RTN3: variants seen among roughly 807,000 people sequenced by gnomAD.
The protein encoded by RTN3 is reticulon-3.
RTN3 carries 49 observed loss-of-function variants against 77.8 expected under a neutral mutation model. The ratio of observed to expected loss-of-function variants is 0.63; its 90% CI spans 0.50 to 0.80. RTN3 has a LOEUF of 0.80. Ranked by LOEUF, RTN3 falls within the 30% of genes least tolerant of loss-of-function variation. RTN3 has a pLI of 0.00. For synonymous variants in RTN3, 464 were observed against 446.9 expected (o/e 1.04, Z -0.48); for missense variants, 1,236 against 1,211.9 (o/e 1.02, Z -0.29).
In RTN3 at chr11:63,759,459, G is replaced by T. The variant is rs1333605750; in HGVS notation, c.*1258G>T. 3 of 152,500 alleles carry T rather than the reference G, an allele frequency of 2.0e-5. No individual in the cohort carries two copies. Among genetic ancestry groups the T allele is most frequent in the Non-Finnish European group, 2.9e-5 (2 of 68,024 alleles). The allele number at this position is 152,500 out of a possible 1,614,324, so 9.4% of individuals were successfully genotyped here. A position where few individuals can be genotyped will look rare whatever the true frequency, so the allele number is the denominator to read the frequency against. ...TTGTCTACGTGTCTTGGAAAAATTA[G>T]TTAGGAATTTGGATGGGTAAAAGGT... On this transcript the variant is annotated 3_prime_UTR_variant, in exon 9 of 9. Transcript: ENST00000377819.
chr11:63,704,899 C>T lies in RTN3; in HGVS notation c.191C>T (p.Thr64Ile), dbSNP rs374939027. ...SSSQPVSLFS[T>I]SQEGLSSLCS... is the part of the protein sequence containing the mutation. The stretch of plus-strand genomic sequence containing the variant: ...TCTCAGCCTGTATCTCTATTTTCGA[C>T]CTCACAAGGCAAGTCTGTAATTTTT... The change falls in exon 2 of 9, where the codon ACC becomes ATC. Residue 64 changes from threonine to isoleucine, a missense_variant. Coordinates refer to ENST00000377819, the MANE Select transcript of RTN3 (RefSeq NM_001265589.2). 3.0e-5 allele frequency: 49 copies of T among 1,610,534 alleles called. No homozygotes were observed. The Middle Eastern group carries it at 8.2e-4, about 27-fold the overall frequency.
chr11:63,710,073 G>T (rs752722672), intron 2 of RTN3, among the ~76,000 whole-genome samples: 4 of 152,064 alleles, frequency 2.6e-5, no homozygotes, highest in Non-Finnish European at 5.9e-5. Flanking sequence ...TAAGTTATAC[G>T]TACTTGAATA....
chr11:63,690,662 T>C (rs1022735662), intron 1 of RTN3, among the ~76,000 whole-genome samples: 2 of 152,184 alleles, frequency 1.3e-5, no homozygotes, highest in Non-Finnish European at 2.9e-5. Flanking sequence ...AATTTCTGGC[T>C]CCACGGTTCT....
intron 1 of RTN3, among the ~76,000 whole-genome samples, chr11:63,691,009 TAGC>T (rs1036050858): frequency 2.0e-5 from 3 of 152,104 alleles, no homozygotes; most frequent in African/African-American, 7.2e-5. Flanking sequence ...CCATATCTGT[TAGC>T]AGTAATTCAC....
chr11:63,733,939 C>G (rs1257020904), intron 3 of RTN3, among the ~76,000 whole-genome samples: 1 of 151,902 alleles, frequency 6.6e-6, no homozygotes, highest in African/African-American at 2.4e-5. Flanking sequence ...TATGTATATA[C>G]ACACAGACAC....
intron 1 of RTN3, among the ~76,000 whole-genome samples, chr11:63,695,775 G>C (rs1462630211): frequency 1.3e-5 from 2 of 152,190 alleles, no homozygotes; most frequent in Non-Finnish European, 2.9e-5. Context: ...GAAGCTGACA[G>C]TCCAGAAAAG....
Position 63,681,934 on chromosome 11 carries a change from G to T in RTN3, c.142+156G>T, listed in dbSNP as rs1283599558. On this transcript the variant is annotated intron_variant, in intron 1 of 8. Coordinates refer to ENST00000377819, the MANE Select transcript of RTN3 (RefSeq NM_001265589.2). The stretch of plus-strand genomic sequence containing the variant: ...CGAGCGTTTGGAAAATGGGCAAAGG[G>T]GAAGGGGAACGTAAGGTTGTGCAGG... 6.6e-6 allele frequency among the ~76,000 whole-genome samples: 1 copy of T among 152,286 alleles called. No homozygotes were observed. Among genetic ancestry groups the T allele is most frequent in the Non-Finnish European group, 1.5e-5 (1 of 68,054 alleles).
intron 1 of RTN3, among the ~76,000 whole-genome samples, chr11:63,701,419 T>A (rs1157285479): frequency 1.3e-5 from 2 of 152,142 alleles, no homozygotes; most frequent in Non-Finnish European, 2.9e-5. Context: ...AGCTAAAAAG[T>A]CCCATATTTT....
intron 7 of RTN3, 55 bp downstream of exon 7, chr11:63,753,763 A>G: frequency 6.8e-7 from 1 of 1,460,064 alleles, no homozygotes; most frequent in Non-Finnish European, 9.6e-7. Context: ...GACTAGTTGT[A>G]GTTCATTTCT....
At position 63,758,509 on chromosome 11, in the gene RTN3, A is replaced by G; in HGVS notation, c.*308A>G. 1 of 647,554 alleles carries G rather than the reference A, an allele frequency of 1.5e-6. No individual in the cohort carries two copies. The highest frequency in any genetic ancestry group is 3.3e-5 in the Admixed American group (1 of 30,492). The allele number at this position is 647,554 out of a possible 1,614,324, so 40.1% of individuals were successfully genotyped here. On this transcript the variant is annotated 3_prime_UTR_variant, in exon 9 of 9. Coordinates refer to ENST00000377819, the MANE Select transcript of RTN3 (RefSeq NM_001265589.2). ...TGAAAGGGGAAAGATTGGAGGTAAG[A>G]GAGAAAATGAAAGAACACCTCTGGG... is the stretch of plus-strand genomic sequence containing the variant.
Position 63,759,266 on chromosome 11 carries a change from A to AATTC in RTN3, c.*1067_*1068insTCAT, listed in dbSNP as rs2014545855. On this transcript the variant is annotated 3_prime_UTR_variant, in exon 9 of 9. Transcript: ENST00000377819. The stretch of plus-strand genomic sequence containing the variant: ...GGGGCAAGTTTTTTTCTTCACCTTC[A>AATTC]ATATGAGAATTCAGCGAACTTGAAA... The AATTC allele has an allele frequency of 6.6e-6, 1 of 152,200 alleles. No homozygotes were observed. The highest frequency in any genetic ancestry group is 2.4e-5 in the African/African-American group (1 of 41,436). 9.4% of individuals were successfully genotyped at this position (152,200 alleles called of 1,614,324 possible).
rs368006117 is a variant in RTN3 at position 63,719,332 on chromosome 11, T to C, written c.830T>C (p.Val277Ala). The change falls in exon 3 of 9, where the codon GTG becomes GCG. Residue 277 changes from valine (V) to alanine (A), a missense_variant. Physicochemically the swap from Val to Ala is moderately conservative, Grantham distance 64. Transcript: ENST00000377819. ...ESTDDFGSWS[V>A]HTDKESSEDI... is the part of the protein sequence containing the mutation. ...ACAGATGATTTTGGTAGCTGGTCTGTGCACACTGATAAAGAATCATCCGAA... is the reference window on the plus strand; with the variant it reads ...ACAGATGATTTTGGTAGCTGGTCTGCGCACACTGATAAAGAATCATCCGAA... The C allele has an allele frequency of 1.2e-6, 2 of 1,614,072 alleles. No individual in the cohort carries two copies. The highest frequency in any genetic ancestry group is 8.5e-7 in the Non-Finnish European group (1 of 1,180,044).
intron 3 of RTN3, among the ~76,000 whole-genome samples, chr11:63,744,761 G>T (rs984698401): frequency 6.6e-6 from 1 of 152,168 alleles, no homozygotes; most frequent in African/African-American, 2.4e-5. Flanking sequence ...GGAAGCCAAG[G>T]CCAGTGGATT....
chr11:63,692,683 C>T (rs1311560105), intron 1 of RTN3, among the ~76,000 whole-genome samples: 2 of 152,060 alleles, frequency 1.3e-5, no homozygotes, highest in South Asian at 2.1e-4. Flanking sequence ...ATCGCTTGAA[C>T]CTGGGAGGCG....
At chr11:63,746,705 G>A (rs528643475) in intron 3 of RTN3, among the ~76,000 whole-genome samples, 3 of 151,926 alleles carry the variant, frequency 2.0e-5, no homozygotes, top group African/African-American at 7.3e-5. Flanking sequence ...TAGTAGAGAC[G>A]GGGTTTCACG....
Position 63,720,370 on chromosome 11 carries a change from CAG to C in RTN3, c.1870_1871del (p.Glu624IlefsTer20). 1 of 1,613,970 alleles carries C rather than the reference CAG, an allele frequency of 6.2e-7. No homozygotes were observed. Reference sequence around the variant, plus strand: ...GTGTCTCCAAATGTTTTTAATGAGACAGAATTCTCATTAAATGTGACAACATC... The same window carrying C: ...GTGTCTCCAAATGTTTTTAATGAGACAATTCTCATTAAATGTGACAACATC... On this transcript the variant is annotated frameshift_variant, in exon 3 of 9. Transcript: ENST00000377819. LOFTEE classifies it high-confidence loss of function.
chr11:63,681,807 G>C, intron 1 of RTN3, 29 bp downstream of exon 1: 1 of 1,518,042 alleles, frequency 6.6e-7, no homozygotes, highest in Non-Finnish European at 8.8e-7. Context: ...CCCCGCCCTG[G>C]GAAAGAGGGC....
At chr11:63,723,723 C>T (rs1414781337) in intron 3 of RTN3, among the ~76,000 whole-genome samples, 1 of 152,196 alleles carries the variant, frequency 6.6e-6, no homozygotes, top group Admixed American at 6.5e-5. Flanking sequence ...CCACCACACA[C>T]AGCCGATTGT....
chr11:63,746,687 T>C (rs509576), intron 3 of RTN3, among the ~76,000 whole-genome samples: 2 of 152,094 alleles, frequency 1.3e-5, no homozygotes, highest in African/African-American at 4.8e-5. Flanking sequence ...GCTAGTGTTT[T>C]GTATTTTTAG....
Sources: allele counts gnomAD v4.1 joint callset (sites outside exome capture counted in the v4.1 genomes callset), GRCh38; gene constraint gnomAD v4.1.1; transcripts MANE v1.5; gene names NCBI Gene and HGNC (gene_info 2026-07-23, HGNC 2026-07-21).